BCAT1: variants seen among roughly 807,000 people sequenced by gnomAD.
BCAT1 encodes the protein branched chain amino acid transaminase 1.
BCAT1 carries 48 observed loss-of-function variants against 52.4 expected under a neutral mutation model. That is an observed-to-expected ratio of 0.92 (90% CI 0.73 to 1.16). The LOEUF (loss-of-function observed/expected upper bound fraction) is 1.16. BCAT1 is among the 50% of genes most tolerant of loss of function. The pLI is 0.00. For synonymous variants in BCAT1, 167 were observed against 161.3 expected (o/e 1.04, Z -0.27); for missense variants, 451 against 457.1 (o/e 0.99, Z 0.12).
At chr12:24,845,271 A>T (rs1941311449) in intron 6 of BCAT1, among the ~76,000 whole-genome samples, 1 of 152,170 alleles carries the variant, frequency 6.6e-6, no homozygotes, top group African/African-American at 2.4e-5. Flanking sequence ...GCTTCTAAAT[A>T]CAGATGACAA....
intron 5 of BCAT1, among the ~76,000 whole-genome samples, chr12:24,876,672 C>T (rs1050833115): frequency 6.6e-6 from 1 of 152,176 alleles, no homozygotes; most frequent in African/African-American, 2.4e-5. Context: ...TTAAAAAGTA[C>T]TCCTTCCTAT....
At chr12:24,863,939 A>AC (rs1941925640) in intron 5 of BCAT1, among the ~76,000 whole-genome samples, 1 of 152,172 alleles carries the variant, frequency 6.6e-6, no homozygotes, top group Admixed American at 6.5e-5. Flanking sequence ...TCAAAAAAAA[A>AC]AAAGAAGCCA....
At chr12:24,895,515 G>A (rs1185479703) in intron 2 of BCAT1, among the ~76,000 whole-genome samples, 4 of 147,148 alleles carry the variant, frequency 2.7e-5, no homozygotes, top group African/African-American at 1.0e-4. Context: ...GACAGAGCAA[G>A]ACTCTGTCTC....
At chr12:24,929,470 A>G (rs964326708) in intron 1 of BCAT1, among the ~76,000 whole-genome samples, 1 of 152,240 alleles carries the variant, frequency 6.6e-6, no homozygotes, top group Non-Finnish European at 1.5e-5. Flanking sequence ...GAGACACTGT[A>G]GACACAGGAG....
At chr12:24,842,319 G>T in intron 6 of BCAT1, 95 bp from the exon 7 acceptor site, 1 of 1,349,990 alleles carries the variant, frequency 7.4e-7, no homozygotes, top group Non-Finnish European at 1.0e-6. Context: ...TAATTCACAT[G>T]TGGACATAGT....
intron 5 of BCAT1, among the ~76,000 whole-genome samples, chr12:24,873,717 C>G (rs1306699677): frequency 6.6e-6 from 1 of 152,086 alleles, no homozygotes; most frequent in African/African-American, 2.4e-5. Context: ...AAAATGAAAT[C>G]TGAAATGCTC....
At chr12:24,859,479 A>G (rs1051130227) in intron 5 of BCAT1, among the ~76,000 whole-genome samples, 1 of 151,886 alleles carries the variant, frequency 6.6e-6, no homozygotes, top group African/African-American at 2.4e-5. Context: ...AAATTAGCCA[A>G]GCGTAGTGGC....
chr12:24,949,013 G>T lies in BCAT1; in HGVS notation c.-81C>A. 1 of 1,481,732 alleles carries T rather than the reference G, an allele frequency of 6.7e-7. No individual in the cohort carries two copies. Among genetic ancestry groups the T allele is most frequent in the Non-Finnish European group, 9.2e-7 (1 of 1,085,818 alleles). The allele number at this position is 1,481,732 out of a possible 1,614,324, so 91.8% of individuals were successfully genotyped here. A position where few individuals can be genotyped will look rare whatever the true frequency, so the allele number is the denominator to read the frequency against. On this transcript the variant is annotated 5_prime_UTR_variant, in exon 1 of 11. Transcript: ENST00000261192. ...CGTAGCCCCTGGCCGTGTGGACCGG[G>T]TCTGCGGCTGCAGAGCGCGGTCCCG...
At chr12:24,927,183 C>G (rs930919746) in intron 1 of BCAT1, among the ~76,000 whole-genome samples, 11 of 152,060 alleles carry the variant, frequency 7.2e-5, no homozygotes, top group African/African-American at 2.7e-4. Flanking sequence ...TATAAGATGT[C>G]TGTAATCCCG....
At chr12:24,867,132 A>T (rs1942042893) in intron 5 of BCAT1, among the ~76,000 whole-genome samples, 1 of 151,910 alleles carries the variant, frequency 6.6e-6, no homozygotes. Flanking sequence ...CCGCAGCTTC[A>T]CTCCTGAGCC....
intron 10 of BCAT1, 44 bp from the exon 11 acceptor site, chr12:24,818,093 AG>A (rs1210323495): frequency 6.2e-7 from 1 of 1,601,290 alleles, no homozygotes; most frequent in South Asian, 1.1e-5. Flanking sequence ...AGAAGCTAAC[AG>A]GGCAGAAATA....
At chr12:24,866,881 G>A (rs1294044596) in intron 5 of BCAT1, among the ~76,000 whole-genome samples, 2 of 151,774 alleles carry the variant, frequency 1.3e-5, no homozygotes, top group South Asian at 2.1e-4. Flanking sequence ...CAGGCTGCCT[G>A]AGCCAGCAGT....
chr12:24,820,198 A>G (rs1940057554), intron 10 of BCAT1, among the ~76,000 whole-genome samples: 1 of 152,188 alleles, frequency 6.6e-6, no homozygotes, highest in South Asian at 2.1e-4. Context: ...CACTCTGCGA[A>G]CCTGCATAAT....
chr12:24,862,241 T>C (rs190191929), intron 5 of BCAT1, among the ~76,000 whole-genome samples: 1 of 152,354 alleles, frequency 6.6e-6, no homozygotes, highest in East Asian at 1.9e-4. Context: ...CCCTGAATTC[T>C]TTCTTGTGTG....
At chr12:24,920,540 C>A (rs757019610) in intron 1 of BCAT1, among the ~76,000 whole-genome samples, 21 of 152,176 alleles carry the variant, frequency 1.4e-4, no homozygotes, top group Non-Finnish European at 2.8e-4. Flanking sequence ...ACTCTCAAAC[C>A]ATTTTTCCTC....
chr12:24,892,773 A>G (rs1591846847), intron 3 of BCAT1, among the ~76,000 whole-genome samples: 1 of 152,196 alleles, frequency 6.6e-6, no homozygotes, highest in East Asian at 1.9e-4. Flanking sequence ...GGTTTGCTTG[A>G]GCCCAGGAGT....
rs186765750 is a variant in BCAT1 at position 24,817,742 on chromosome 12, G to A, written c.*266C>T. ...CAAAAGGAGGCACTAAAATCATTGA[G>A]GAAAATCCCATGTTATATGGCTTAC... On this transcript the variant is annotated 3_prime_UTR_variant, in exon 11 of 11. Transcript: ENST00000261192. The A allele has an allele frequency of 5.5e-5, 22 of 399,820 alleles. No individual in the cohort carries two copies. In the South Asian group the frequency reaches 5.5e-4, roughly 10 times the overall value. The allele number at this position is 399,820 out of a possible 1,614,324, so 24.8% of individuals were successfully genotyped here. A position where few individuals can be genotyped will look rare whatever the true frequency, so the allele number is the denominator to read the frequency against.
At position 24,887,080 on chromosome 12, in the gene BCAT1, A is replaced by AAAAAAAAATAT. The variant is rs1245203518; in HGVS notation, c.280-5670_280-5669insATATTTTTTTT. 5.0e-3 allele frequency among the ~76,000 whole-genome samples: 203 copies of AAAAAAAAATAT among 40,720 alleles called. 3 individuals are homozygous for AAAAAAAAATAT. The highest frequency in any genetic ancestry group is 8.0e-3 in the Non-Finnish European group (152 of 19,038). 26.7% of individuals were successfully genotyped at this position (40,720 alleles called of 152,430 possible). On this transcript the variant is annotated intron_variant, in intron 3 of 10. Coordinates refer to ENST00000261192, the MANE Select transcript of BCAT1 (RefSeq NM_005504.7). The stretch of plus-strand genomic sequence containing the variant: ...GCTAGCTAAAAAAAAAAAAAAAAAA[A>AAAAAAAAATAT]ATATATATATATATATATATATATA...
chr12:24,846,152 T>C (rs1458688679), intron 6 of BCAT1, among the ~76,000 whole-genome samples: 5 of 152,220 alleles, frequency 3.3e-5, no homozygotes, highest in African/African-American at 1.2e-4. Context: ...CTCAGCTTCA[T>C]GAAGCACTGA....
Sources: allele counts gnomAD v4.1 joint callset (sites outside exome capture counted in the v4.1 genomes callset), GRCh38; gene constraint gnomAD v4.1.1; transcripts MANE v1.5; gene names NCBI Gene and HGNC (gene_info 2026-07-23, HGNC 2026-07-21).